Variants in CERS3 observed in about 807,000 individuals in gnomAD.
CERS3 encodes ceramide synthase 3.
A neutral mutation model predicts 50.3 loss-of-function variants in CERS3; 33 were observed. That is an observed-to-expected ratio of 0.66 (90% CI 0.50 to 0.88). The LOEUF (loss-of-function observed/expected upper bound fraction) is 0.88, where lower values mean the gene tolerates loss of function less well. CERS3 is among the 40% of genes least tolerant of loss of function. The probability of loss-of-function intolerance (pLI) is 0.00; values close to 1 mark genes in which losing one functional copy is unlikely to be tolerated. For missense variants in CERS3, 470 were observed against 460.3 expected (o/e 1.02, Z -0.19); for synonymous variants, 176 against 155.2 (o/e 1.13, Z -0.99).
intron 11 of CERS3, among the ~76,000 whole-genome samples, chr15:100,448,135 A>G (rs1313956709): frequency 6.6e-6 from 1 of 152,194 alleles, no homozygotes; most frequent in Non-Finnish European, 1.5e-5. Context: ...TTATCATCAT[A>G]AAGGTTGTCC....
At chr15:100,432,220 A>G (rs577519412) in intron 11 of CERS3, among the ~76,000 whole-genome samples, 1 of 152,102 alleles carries the variant, frequency 6.6e-6, no homozygotes, top group Non-Finnish European at 1.5e-5. Flanking sequence ...AATATGTACC[A>G]CCACTCCTGG....
intron 11 of CERS3, among the ~76,000 whole-genome samples, chr15:100,420,357 T>C (rs1450879271): frequency 8.5e-5 from 13 of 152,138 alleles, no homozygotes; most frequent in South Asian, 6.2e-4. Flanking sequence ...CCTGGACACA[T>C]AACACTCTCC....
At chr15:100,504,402 G>T (rs897757565) in intron 2 of CERS3, among the ~76,000 whole-genome samples, 19 of 151,726 alleles carry the variant, frequency 1.3e-4, no homozygotes, top group Admixed American at 1.2e-3. Flanking sequence ...TGCCACCATG[G>T]CCAGCTAATT....
At chr15:100,485,879 A>G (rs900370253) in intron 4 of CERS3, among the ~76,000 whole-genome samples, 4 of 151,952 alleles carry the variant, frequency 2.6e-5, no homozygotes, top group Non-Finnish European at 4.4e-5. Context: ...AAATAAATAC[A>G]TAAATAAATA....
chr15:100,477,265 G>C (rs896839697), intron 7 of CERS3, among the ~76,000 whole-genome samples: 1 of 152,150 alleles, frequency 6.6e-6, no homozygotes, highest in African/African-American at 2.4e-5. Context: ...CTGGGGTTTG[G>C]TCTAGCTAAT....
chr15:100,532,787 C>T (rs536736607), upstream of CERS3, among the ~76,000 whole-genome samples: 7 of 152,224 alleles, frequency 4.6e-5, no homozygotes, highest in East Asian at 1.4e-3. Context: ...TGGAAAAGCT[C>T]CTGTTGGATA....
In CERS3 at chr15:100,476,946, T is replaced by A. The variant is rs1361809205; in HGVS notation, c.517-768A>T. Among the ~76,000 whole-genome samples, 4 of 152,336 alleles carry A rather than the reference T, an allele frequency of 2.6e-5. No homozygotes were observed. In the South Asian group the frequency reaches 8.3e-4, roughly 32 times the overall value. ...ACCATGTAAGAAACCTGAGCCATCCTGCTGAAGAGGCCACAAAGAAGAGAA... is the reference window on the plus strand; with the variant it reads ...ACCATGTAAGAAACCTGAGCCATCCAGCTGAAGAGGCCACAAAGAAGAGAA... On this transcript the variant is annotated intron_variant, in intron 7 of 11. Transcript: ENST00000679737.
intron 2 of CERS3, among the ~76,000 whole-genome samples, chr15:100,502,575 C>T (rs2036045697): frequency 6.6e-6 from 1 of 152,138 alleles, no homozygotes; most frequent in South Asian, 2.1e-4. Flanking sequence ...ATCACTAGTA[C>T]CCTAAAAAAT....
At chr15:100,442,532 C>G (rs995688811) in intron 11 of CERS3, among the ~76,000 whole-genome samples, 3 of 152,198 alleles carry the variant, frequency 2.0e-5, no homozygotes, top group Non-Finnish European at 4.4e-5. Flanking sequence ...AGGCATTCCT[C>G]CAGAACTGCC....
chr15:100,487,238 T>C (rs879841592), intron 4 of CERS3, among the ~76,000 whole-genome samples: 1 of 152,212 alleles, frequency 6.6e-6, no homozygotes, highest in African/African-American at 2.4e-5. Context: ...GAGGAAGACA[T>C]GCTTAAACAC....
At chr15:100,526,360 C>A (rs1042167958) in intron 1 of CERS3, among the ~76,000 whole-genome samples, 7 of 152,310 alleles carry the variant, frequency 4.6e-5, no homozygotes, top group Admixed American at 1.3e-4. Flanking sequence ...ACACTCCGTG[C>A]TCTGTGAGCG....
intron 1 of CERS3, among the ~76,000 whole-genome samples, chr15:100,541,362 C>T (rs1287345874): frequency 1.3e-5 from 2 of 152,188 alleles, no homozygotes; most frequent in African/African-American, 4.8e-5. Context: ...ATCCCAGCTA[C>T]TCCTGAGGCT....
intron 11 of CERS3, among the ~76,000 whole-genome samples, chr15:100,431,748 T>C (rs2033146529): frequency 6.6e-6 from 1 of 152,230 alleles, no homozygotes; most frequent in Non-Finnish European, 1.5e-5. Flanking sequence ...AAAATTCCAG[T>C]GTCTCGATCT....
At chr15:100,505,325 T>C (rs1459363360) in intron 2 of CERS3, among the ~76,000 whole-genome samples, 1 of 152,232 alleles carries the variant, frequency 6.6e-6, no homozygotes, top group Non-Finnish European at 1.5e-5. Context: ...CATGGTTATG[T>C]AGGGGTTACC....
At chr15:100,403,206 T>C (rs1466021271) in intron 11 of CERS3, among the ~76,000 whole-genome samples, 1 of 152,160 alleles carries the variant, frequency 6.6e-6, no homozygotes, top group Non-Finnish European at 1.5e-5. Flanking sequence ...GAAAATATTT[T>C]AAACTAAATG....
chr15:100,418,842 G>C (rs2142081958), intron 11 of CERS3, among the ~76,000 whole-genome samples: 1 of 150,428 alleles, frequency 6.6e-6, no homozygotes, highest in East Asian at 2.0e-4. Context: ...AGCTTCATAA[G>C]TGAAGGAGAA....
intron 9 of CERS3, among the ~76,000 whole-genome samples, chr15:100,471,322 A>C (rs4965661): frequency 0.43 from 65,290 of 151,944 alleles, 14,731 homozygotes; most frequent in Middle Eastern, 0.52. Flanking sequence ...ACAGATATGA[A>C]TTCTCATGTT....
At chr15:100,435,887 T>C (rs2033380684) in intron 11 of CERS3, among the ~76,000 whole-genome samples, 2 of 152,242 alleles carry the variant, frequency 1.3e-5, no homozygotes, top group African/African-American at 4.8e-5. Flanking sequence ...TCATCATCAC[T>C]GGTCATGAGA....
intron 1 of CERS3, among the ~76,000 whole-genome samples, chr15:100,525,090 G>A (rs2036747498): frequency 6.6e-6 from 1 of 152,132 alleles, no homozygotes; most frequent in Non-Finnish European, 1.5e-5. Context: ...AATGAGAAAT[G>A]TATGCATCTT....
Sources: gnomAD v4.1 joint callset for allele counts (sites outside exome capture counted in the v4.1 genomes callset) on GRCh38, gnomAD v4.1.1 for gene constraint, MANE v1.5 for transcripts, NCBI Gene and HGNC (gene_info 2026-07-23, HGNC 2026-07-21) for gene names.